BCKDHB: variants seen among roughly 807,000 people sequenced by gnomAD.
BCKDHB encodes 2-oxoisovalerate dehydrogenase subunit beta, mitochondrial.
BCKDHB carries 41 observed loss-of-function variants against 48.5 expected under a neutral mutation model. That is an observed-to-expected ratio of 0.85 (90% confidence interval 0.66 to 1.10). The LOEUF is 1.10. BCKDHB is among the 50% of genes least tolerant of loss of function. The pLI, the probability that BCKDHB is intolerant of heterozygous loss-of-function variation, is 0.00. For missense variants in BCKDHB, 496 were observed against 494.2 expected, an observed-to-expected ratio of 1.00 and a Z score of -0.03; for synonymous variants, 201 against 174.8, an observed-to-expected ratio of 1.15 and a Z score of -1.18.
intron 2 of BCKDHB, among the ~76,000 whole-genome samples, chr6:80,128,460 TA>T (rs1486081988): frequency 2.6e-5 from 4 of 152,188 alleles, no homozygotes; most frequent in Non-Finnish European, 2.9e-5. Context: ...CATTCAGCTC[TA>T]TGAATACCCC....
chr6:80,119,963 C>T (rs974093133), intron 1 of BCKDHB, among the ~76,000 whole-genome samples: 7 of 151,926 alleles, frequency 4.6e-5, no homozygotes, highest in African/African-American at 7.2e-5. Context: ...CTGCACCCAT[C>T]GACTCATCAT....
chr6:80,162,598 C>A (rs1018735718), intron 3 of BCKDHB, among the ~76,000 whole-genome samples: 1 of 152,198 alleles, frequency 6.6e-6, no homozygotes, highest in Non-Finnish European at 1.5e-5. Flanking sequence ...CGCCTGTAAT[C>A]CCAGCACTTT....
the BCKDHB span, among the ~76,000 whole-genome samples, chr6:80,461,484 A>G: frequency 6.6e-6 from 1 of 152,096 alleles, no homozygotes; most frequent in African/African-American, 2.4e-5. Context: ...TATGCTTCAG[A>G]GTTTTACAAA....
intron 9 of BCKDHB, among the ~76,000 whole-genome samples, chr6:80,296,723 G>C (rs1424341341): frequency 6.6e-6 from 1 of 151,648 alleles, no homozygotes; most frequent in Non-Finnish European, 1.5e-5. Flanking sequence ...TTTAATTTAT[G>C]GAAAAACTGA....
chr6:80,248,867 A>G (rs1776718982), intron 8 of BCKDHB, among the ~76,000 whole-genome samples: 1 of 150,994 alleles, frequency 6.6e-6, no homozygotes, highest in Non-Finnish European at 1.5e-5. Flanking sequence ...TTCTATAGAT[A>G]GATACCCTGG....
intron 3 of BCKDHB, among the ~76,000 whole-genome samples, chr6:80,135,565 G>GT (rs1052600721): frequency 5.3e-5 from 8 of 151,986 alleles, no homozygotes; most frequent in African/African-American, 1.9e-4. Context: ...AAGTTCTTTT[G>GT]TTTTCCAAAG....
rs760033819 is a variant in BCKDHB at position 80,169,012 on chromosome 6, C to T, written c.615C>T (p.Ala205=). 24 of 1,613,998 alleles carry T rather than the reference C, an allele frequency of 1.5e-5. No individual in the cohort carries two copies. The South Asian group carries it at 2.3e-4, about 16-fold the overall frequency. The stretch of plus-strand genomic sequence containing the variant: ...CTCAGAGTCCTGAAGCATTTTTTGC[C>T]CATTGCCCAGGAATCAAGGTATGTT... ...YHSQSPEAFF[A]HCPGIKVVIP... The change falls in exon 5 of 10, where the codon GCC becomes GCT. Residue 205 remains alanine (A), a synonymous_variant. Coordinates refer to ENST00000320393, the MANE Select transcript of BCKDHB (RefSeq NM_183050.4).
chr6:80,393,978 A>C, the BCKDHB span, among the ~76,000 whole-genome samples: 1,056 of 152,328 alleles, frequency 6.9e-3, 13 homozygotes, highest in South Asian at 0.03. Flanking sequence ...TTTGAAGGAC[A>C]TAGAATTATA....
intron 2 of BCKDHB, among the ~76,000 whole-genome samples, chr6:80,128,240 T>G (rs1026008683): frequency 1.8e-4 from 28 of 152,178 alleles, no homozygotes; most frequent in African/African-American, 4.8e-4. Context: ...GCTTCCACCT[T>G]CCACCTGATA....
chr6:80,110,551 C>G (rs1263472818), intron 1 of BCKDHB, among the ~76,000 whole-genome samples: 1 of 152,158 alleles, frequency 6.6e-6, no homozygotes, highest in East Asian at 1.9e-4. Flanking sequence ...GAGAACTGTC[C>G]AAGTGTATTA....
At chr6:80,336,689 A>G (rs2322755) in intron 9 of BCKDHB, among the ~76,000 whole-genome samples, 117,775 of 151,794 alleles carry the variant, frequency 0.78, 46,062 homozygotes, top group Admixed American at 0.84. Flanking sequence ...TGATAATAAT[A>G]TTTTAAGTGT....
chr6:80,259,093 T>C (rs1777181228), intron 8 of BCKDHB, among the ~76,000 whole-genome samples: 1 of 152,094 alleles, frequency 6.6e-6, no homozygotes, highest in Non-Finnish European at 1.5e-5. Context: ...TACTTAATAT[T>C]AATCTCCCTA....
chr6:80,411,233 GTCCAC>G, the BCKDHB span, among the ~76,000 whole-genome samples: 1 of 152,136 alleles, frequency 6.6e-6, no homozygotes, highest in African/African-American at 2.4e-5. Context: ...TTTGCTGGAG[GTCCAC>G]TCCAGATCCT....
the BCKDHB span, among the ~76,000 whole-genome samples, chr6:80,396,913 A>T: frequency 6.6e-6 from 1 of 152,178 alleles, no homozygotes; most frequent in Non-Finnish European, 1.5e-5. Context: ...GTGAGAAAAG[A>T]TTAATACACT....
intron 5 of BCKDHB, chr6:80,169,871 G>C (rs769574265): frequency 6.2e-6 from 10 of 1,603,844 alleles, no homozygotes; most frequent in Middle Eastern, 1.7e-4. Context: ...ATGTGAGCTA[G>C]AAGTTGTAGA....
the BCKDHB span, among the ~76,000 whole-genome samples, chr6:80,398,202 TATAAC>T: frequency 3.3e-5 from 5 of 151,110 alleles, no homozygotes; most frequent in Admixed American, 6.6e-5. Context: ...AAATCCCAAA[TATAAC>T]AGAAGACAGG....
chr6:80,442,546 C>A, the BCKDHB span, among the ~76,000 whole-genome samples: 2 of 151,838 alleles, frequency 1.3e-5, no homozygotes, highest in Non-Finnish European at 2.9e-5. Context: ...TTAAGCTTAG[C>A]CATGAGAATG....
chr6:80,323,865 C>T (rs925378135), intron 9 of BCKDHB, among the ~76,000 whole-genome samples: 2 of 152,172 alleles, frequency 1.3e-5, no homozygotes, highest in Non-Finnish European at 2.9e-5. Context: ...CTCCGCCCCC[C>T]GGGTTCACGC....
intron 9 of BCKDHB, among the ~76,000 whole-genome samples, chr6:80,304,694 T>G (rs1042241127): frequency 6.6e-6 from 1 of 152,156 alleles, no homozygotes; most frequent in Non-Finnish European, 1.5e-5. Flanking sequence ...AAAGTTTTTA[T>G]AGCAAACTGA....
Sources: gnomAD v4.1 joint callset for allele counts (sites outside exome capture counted in the v4.1 genomes callset) on GRCh38, gnomAD v4.1.1 for gene constraint, MANE v1.5 for transcripts, NCBI Gene and HGNC (gene_info 2026-07-23, HGNC 2026-07-21) for gene names.